The following AMMECR1 variants were observed in gnomAD, a reference collection of about 807,000 sequenced individuals.
AMMECR1 encodes the protein nuclear protein AMMECR1.
A neutral mutation model predicts 22.5 loss-of-function variants in AMMECR1; 3 were observed. The ratio of observed to expected loss-of-function variants is 0.13; its 90% CI spans 0.06 to 0.35. AMMECR1 has a LOEUF of 0.35. Among genes scored for constraint, AMMECR1 ranks in the 10% least tolerant of loss-of-function variants. The pLI is 1.00. For synonymous variants in AMMECR1, 130 were observed against 116.7 expected, an observed-to-expected ratio of 1.11 and a Z score of -0.74; for missense variants, 235 against 278.7, an observed-to-expected ratio of 0.84 and a Z score of 1.12.
intron 2 of AMMECR1, among the ~76,000 whole-genome samples, chrX:110,217,843 G>A (rs2067481608): frequency 9.0e-6 from 1 of 110,653 alleles, no homozygotes; most frequent in South Asian, 3.8e-4. Context: ...CCCTTTGTTT[G>A]CATTTTGAAG....
At chrX:110,390,443 A>G (rs2068487028) in intron 2 of AMMECR1, among the ~76,000 whole-genome samples, 2 of 112,327 alleles carry the variant, frequency 1.8e-5, no homozygotes, top group Non-Finnish European at 3.8e-5. Context: ...GAACATCAAC[A>G]CTGCTTTTAG....
intron 2 of AMMECR1, among the ~76,000 whole-genome samples, chrX:110,340,879 A>T (rs1259672771): frequency 1.8e-5 from 2 of 112,479 alleles, no homozygotes; most frequent in Non-Finnish European, 3.8e-5. Context: ...CATATCCATA[A>T]GGCTCCAAGA....
At chrX:110,373,270 T>A (rs765898239) in intron 2 of AMMECR1, among the ~76,000 whole-genome samples, 25 of 111,757 alleles carry the variant, frequency 2.2e-4, no homozygotes, top group African/African-American at 7.5e-4. Context: ...TTCCTTAGGA[T>A]GAGGTGGAAA....
intron 2 of AMMECR1, among the ~76,000 whole-genome samples, chrX:110,369,469 A>G (rs2068322524): frequency 8.9e-6 from 1 of 112,430 alleles, no homozygotes; most frequent in Admixed American, 9.4e-5. Flanking sequence ...AGTGAAAAGT[A>G]TATTCTACCA....
intron 2 of AMMECR1, among the ~76,000 whole-genome samples, chrX:110,341,243 T>A (rs2068162796): frequency 8.9e-6 from 1 of 112,227 alleles, no homozygotes; most frequent in Admixed American, 9.4e-5. Context: ...AATACAGAAA[T>A]AGGAGAAGTG....
intron 1 of AMMECR1, among the ~76,000 whole-genome samples, chrX:110,438,209 T>C (rs1468926910): frequency 9.0e-6 from 1 of 111,122 alleles, no homozygotes; most frequent in Non-Finnish European, 1.9e-5. Flanking sequence ...CGATGGGAGA[T>C]TTAAGAGGCT....
At chrX:110,341,337 C>T (rs112111025) in intron 2 of AMMECR1, among the ~76,000 whole-genome samples, 1,594 of 112,257 alleles carry the variant, frequency 0.014, 26 homozygotes, top group African/African-American at 0.049. Flanking sequence ...CTGATAGTTA[C>T]GGAGCAAATT....
intron 2 of AMMECR1, among the ~76,000 whole-genome samples, chrX:110,415,402 A>G (rs1240235786): frequency 8.9e-6 from 1 of 112,263 alleles, no homozygotes; most frequent in African/African-American, 3.2e-5. Context: ...GAGTTGTGTT[A>G]GAGTGGTGAG....
At chrX:110,344,067 G>A (rs1337305636) in intron 2 of AMMECR1, among the ~76,000 whole-genome samples, 1 of 111,803 alleles carries the variant, frequency 8.9e-6, no homozygotes, top group African/African-American at 3.3e-5. Flanking sequence ...CAAAGCTGGA[G>A]GCATCACGCT....
chrX:110,345,290 A>T (rs2068183778), intron 2 of AMMECR1, among the ~76,000 whole-genome samples: 1 of 109,322 alleles, frequency 9.1e-6, no homozygotes, highest in Non-Finnish European at 1.9e-5. Context: ...GTGGGAATTG[A>T]ACAATGAGAA....
intron 2 of AMMECR1, among the ~76,000 whole-genome samples, chrX:110,252,558 C>A (rs775534618): frequency 7.1e-5 from 8 of 112,101 alleles, no homozygotes; most frequent in Admixed American, 1.9e-4. Context: ...CTCACACACA[C>A]AAAAAATACA....
intron 2 of AMMECR1, among the ~76,000 whole-genome samples, chrX:110,326,144 C>T (rs2068096929): frequency 9.0e-6 from 1 of 110,683 alleles, no homozygotes; most frequent in Non-Finnish European, 1.9e-5. Flanking sequence ...TGTGCATCAC[C>T]ACGCCTGGCT....
At chrX:110,211,544 C>T (rs1451207129) in intron 3 of AMMECR1, among the ~76,000 whole-genome samples, 1 of 112,147 alleles carries the variant, frequency 8.9e-6, no homozygotes, top group Non-Finnish European at 1.9e-5. Context: ...TTACAAAGCA[C>T]CATGTCTGTC....
intron 2 of AMMECR1, among the ~76,000 whole-genome samples, chrX:110,356,063 C>G (rs1056637216): frequency 9.2e-6 from 1 of 109,104 alleles, no homozygotes; most frequent in Non-Finnish European, 1.9e-5. Context: ...AAGGTGGTTA[C>G]CAGAGGTTAG....
intron 1 of AMMECR1, among the ~76,000 whole-genome samples, chrX:110,305,074 C>G (rs1342935346): frequency 8.9e-6 from 1 of 112,472 alleles, no homozygotes; most frequent in African/African-American, 3.2e-5. Context: ...TTATTTGTTT[C>G]ATGAATCTTG....
intron 1 of AMMECR1, among the ~76,000 whole-genome samples, chrX:110,269,008 C>T (rs1323326427): frequency 3.6e-5 from 4 of 111,757 alleles, no homozygotes; most frequent in Non-Finnish European, 7.5e-5. Context: ...AGTAATTTTC[C>T]TACTTCTGAG....
chrX:110,204,668 T>C (rs1269152510), intron 3 of AMMECR1, among the ~76,000 whole-genome samples: 1 of 111,821 alleles, frequency 8.9e-6, no homozygotes, highest in Non-Finnish European at 1.9e-5. Flanking sequence ...ACATCCTGTG[T>C]TCTTGAACAA....
Position 110,307,862 on chromosome X carries a change from TTC to T in AMMECR1, c.473+9735_473+9736del, listed in dbSNP as rs1315438621. Among the ~76,000 whole-genome samples the T allele has an allele frequency of 7.0e-4, 73 of 104,358 alleles. 1 individual carries two copies. Among genetic ancestry groups the T allele is most frequent in the African/African-American group, 2.5e-3 (69 of 27,519 alleles). 90.6% of individuals were successfully genotyped at this position (104,358 alleles called of 115,157 possible). A position where few individuals can be genotyped will look rare whatever the true frequency, so the allele number is the denominator to read the frequency against. On this transcript the variant is annotated intron_variant, in intron 1 of 5. Coordinates refer to ENST00000262844, the MANE Select transcript of AMMECR1 (RefSeq NM_015365.3). ...TTGCTTCTGCTAGAAACTTTTTTTTTTCTTTTTTTTTTTTTTTTTTTTTTTGA... is the reference window on the plus strand; with the variant it reads ...TTGCTTCTGCTAGAAACTTTTTTTTTTTTTTTTTTTTTTTTTTTTTTTTGA...
chrX:110,282,601 T>C (rs1181077380), intron 1 of AMMECR1, among the ~76,000 whole-genome samples: 1 of 111,967 alleles, frequency 8.9e-6, no homozygotes, highest in Non-Finnish European at 1.9e-5. Flanking sequence ...AATTGTTAAT[T>C]TCCTTTCTTG....
Sources: allele counts gnomAD v4.1 joint callset (sites outside exome capture counted in the v4.1 genomes callset), GRCh38; gene constraint gnomAD v4.1.1; transcripts MANE v1.5; gene names NCBI Gene and HGNC (gene_info 2026-07-23, HGNC 2026-07-21).